The following COL8A1 variants were observed in gnomAD, a reference collection of about 807,000 sequenced individuals.
The protein encoded by COL8A1 is collagen alpha-1(VIII) chain.
Under a neutral mutation model 42.7 loss-of-function variants are expected in COL8A1, and 21 were observed. The ratio of observed to expected loss-of-function variants is 0.49; its 90% confidence interval spans 0.35 to 0.71. The LOEUF (loss-of-function observed/expected upper bound fraction) is 0.71, where lower values mean the gene tolerates loss of function less well. Ranked by LOEUF, COL8A1 falls within the 30% of genes least tolerant of loss-of-function variation. The pLI, the probability that COL8A1 is intolerant of heterozygous loss-of-function variation, is 0.01. For synonymous variants in COL8A1, 367 were observed against 369.1 expected, an observed-to-expected ratio of 0.99 and a Z score of 0.06; for missense variants, 788 against 962.4, an observed-to-expected ratio of 0.82 and a Z score of 2.40.
intron 1 of COL8A1, among the ~76,000 whole-genome samples, chr3:99,673,204 G>C (rs1239640561): frequency 1.3e-5 from 2 of 151,816 alleles, no homozygotes; most frequent in Non-Finnish European, 1.5e-5. Flanking sequence ...GAAATGCTTT[G>C]TAAGTAAAAC....
intron 1 of COL8A1, among the ~76,000 whole-genome samples, chr3:99,699,825 A>G (rs1433113099): frequency 4.6e-5 from 7 of 152,154 alleles, no homozygotes; most frequent in Admixed American, 3.3e-4. Context: ...ACATACACAG[A>G]CACAGACACA....
At chr3:99,654,724 G>A (rs1414023571) in intron 1 of COL8A1, among the ~76,000 whole-genome samples, 2 of 151,930 alleles carry the variant, frequency 1.3e-5, no homozygotes, top group Admixed American at 6.6e-5. Flanking sequence ...GGAGGTGGAG[G>A]CTGCAGTGAG....
At chr3:99,704,563 T>C (rs1939627449) in intron 1 of COL8A1, among the ~76,000 whole-genome samples, 2 of 152,064 alleles carry the variant, frequency 1.3e-5, no homozygotes, top group Admixed American at 1.3e-4. Flanking sequence ...AATATCAGGG[T>C]CGAATTACAC....
At chr3:99,640,056 T>G (rs919164705) in intron 1 of COL8A1, among the ~76,000 whole-genome samples, 3 of 152,248 alleles carry the variant, frequency 2.0e-5, no homozygotes, top group Admixed American at 2.0e-4. Flanking sequence ...TCAAAAGTAA[T>G]AAAAATATTT....
intron 1 of COL8A1, among the ~76,000 whole-genome samples, chr3:99,728,075 C>T (rs1207049235): frequency 6.6e-6 from 1 of 151,686 alleles, no homozygotes. Context: ...CCTTTGAAAA[C>T]TGGCACAAGA....
intron 2 of COL8A1, among the ~76,000 whole-genome samples, chr3:99,785,230 C>T (rs775612067): frequency 5.3e-5 from 8 of 152,192 alleles, no homozygotes; most frequent in Non-Finnish European, 1.0e-4. Flanking sequence ...TGAGGGCTTT[C>T]TGTCAACAAC....
chr3:99,729,032 A>G (rs1376509655), intron 1 of COL8A1, among the ~76,000 whole-genome samples: 4 of 152,072 alleles, frequency 2.6e-5, no homozygotes, highest in African/African-American at 4.8e-5. Flanking sequence ...TTCATTTGAA[A>G]AAAAGCTAGT....
At chr3:99,750,543 G>A (rs941530882) in intron 2 of COL8A1, among the ~76,000 whole-genome samples, 8 of 152,092 alleles carry the variant, frequency 5.3e-5, no homozygotes, top group South Asian at 2.1e-4. Context: ...CTCCAAAATC[G>A]ATAGGTGATA....
At chr3:99,654,204 A>G (rs1259674756) in intron 1 of COL8A1, among the ~76,000 whole-genome samples, 2 of 152,170 alleles carry the variant, frequency 1.3e-5, no homozygotes, top group Non-Finnish European at 2.9e-5. Context: ...CGCCTGCTTT[A>G]TTCTAGCCGT....
intron 1 of COL8A1, among the ~76,000 whole-genome samples, chr3:99,724,528 T>G (rs1940247214): frequency 6.6e-6 from 1 of 152,088 alleles, no homozygotes; most frequent in Admixed American, 6.6e-5. Context: ...TTTTCTTATT[T>G]CTTTGTGTTT....
chr3:99,639,946 A>C (rs998810483), intron 1 of COL8A1, among the ~76,000 whole-genome samples: 2 of 152,030 alleles, frequency 1.3e-5, no homozygotes, highest in Admixed American at 1.3e-4. Context: ...GAAAGAAAAA[A>C]CTCACCGAAG....
chr3:99,653,200 C>A (rs1937905325), intron 1 of COL8A1, among the ~76,000 whole-genome samples: 1 of 152,200 alleles, frequency 6.6e-6, no homozygotes, highest in Non-Finnish European at 1.5e-5. Flanking sequence ...GCACAGCGGT[C>A]ATTTAGGTGA....
chr3:99,795,494 T>C lies in COL8A1; in HGVS notation c.1593T>C (p.Gly531=). The change falls in exon 4 of 4, where the codon GGT becomes GGC. Residue 531 remains glycine, a synonymous_variant. Coordinates refer to ENST00000652472, the MANE Select transcript of COL8A1 (RefSeq NM_020351.4). The part of the protein sequence containing the change: ...PGLPGPPGFP[G]IGKPGVAGLH... ...TCCCAGGGCCCCCTGGGTTCCCTGG[T>C]ATAGGGAAACCCGGAGTGGCAGGAC... The C allele has an allele frequency of 6.4e-7, 1 of 1,574,688 alleles. No individual in the cohort carries two copies. The highest frequency in any genetic ancestry group is 8.6e-7 in the Non-Finnish European group (1 of 1,159,898).
At position 99,796,140 on chromosome 3, in the gene COL8A1, CA is replaced by C. The variant is rs563516234; in HGVS notation, c.*11del. The C allele has an allele frequency of 4.2e-6, 6 of 1,444,478 alleles. No homozygotes were observed. Among genetic ancestry groups the C allele is most frequent in the South Asian group, 3.4e-5 (2 of 58,580 alleles). The allele number at this position is 1,444,478 out of a possible 1,614,324, so 89.5% of individuals were successfully genotyped here. On this transcript the variant is annotated 3_prime_UTR_variant, in exon 4 of 4. Coordinates refer to ENST00000652472, the MANE Select transcript of COL8A1 (RefSeq NM_020351.4). ...ATATTTATTGTATCCCATGTAAAAA[CA>C]AAAAAACAAAAAACAAAGAAAAGAA... is the stretch of plus-strand genomic sequence containing the variant.
chr3:99,660,794 T>C (rs1938180961), intron 1 of COL8A1, among the ~76,000 whole-genome samples: 1 of 152,204 alleles, frequency 6.6e-6, no homozygotes, highest in Non-Finnish European at 1.5e-5. Flanking sequence ...TTATAGGTTT[T>C]TACTTTATGT....
At position 99,704,672 on chromosome 3, in the gene COL8A1, C is replaced by T. The variant is rs1939630511; in HGVS notation, c.-128-40225C>T. ...CTCCATCCTGCTGTCAGGTTTGGTC[C>T]ATTCTCCAAGCCCTGCAGACTCTGA... is the stretch of plus-strand genomic sequence containing the variant. On this transcript the variant is annotated intron_variant, in intron 1 of 3. Transcript: ENST00000652472. Among the ~76,000 whole-genome samples, 3 of 152,182 alleles carry T rather than the reference C, an allele frequency of 2.0e-5. No homozygotes were observed. In the South Asian group the frequency reaches 6.2e-4, roughly 32 times the overall value.
Position 99,796,036 on chromosome 3 carries a change from A to T in COL8A1, c.2135A>T (p.Asp712Val). 6.2e-7 allele frequency: 1 copy of T among 1,613,300 alleles called. No homozygotes were observed. Among genetic ancestry groups the T allele is most frequent in the East Asian group, 2.2e-5 (1 of 44,856 alleles). ...GSAVLLLRPG[D>V]RVFLQMPSEQ... is the part of the protein sequence containing the mutation. ...GCAGTGCTGCTGCTCAGGCCCGGAG[A>T]CCGGGTGTTCCTCCAGATGCCCTCA... Residue 712 changes from aspartate (D) to valine (V), a missense_variant, in exon 4 of 4, where the codon GAC becomes GTC. Transcript: ENST00000652472.
chr3:99,647,904 C>A (rs1559767082), intron 1 of COL8A1, among the ~76,000 whole-genome samples: 2 of 152,188 alleles, frequency 1.3e-5, no homozygotes, highest in East Asian at 3.8e-4. Context: ...GGACATTACT[C>A]TGGGAATTAT....
At chr3:99,738,387 G>A (rs1269296610) in intron 1 of COL8A1, among the ~76,000 whole-genome samples, 6 of 152,194 alleles carry the variant, frequency 3.9e-5, no homozygotes, top group Non-Finnish European at 7.3e-5. Context: ...TGATGGTGAT[G>A]TACAGATGGG....
Sources: allele counts gnomAD v4.1 joint callset (sites outside exome capture counted in the v4.1 genomes callset), GRCh38; gene constraint gnomAD v4.1.1; transcripts MANE v1.5; gene names NCBI Gene and HGNC (gene_info 2026-07-23, HGNC 2026-07-21).